ANAPC16: variants seen among roughly 807,000 people sequenced by gnomAD.
The protein encoded by ANAPC16 is anaphase-promoting complex subunit 16.
In ANAPC16, 6 loss-of-function variants were observed where a neutral mutation model predicts 13.1. The ratio of observed to expected loss-of-function variants is 0.46; its 90% CI spans 0.25 to 0.90. ANAPC16 has a LOEUF of 0.90. Among genes scored for constraint, ANAPC16 ranks in the 40% least tolerant of loss-of-function variants. The pLI, the probability that ANAPC16 is intolerant of heterozygous loss-of-function variation, is 0.18. For missense variants in ANAPC16, 113 were observed against 131.1 expected (o/e 0.86, Z 0.67); for synonymous variants, 55 against 51.3 (o/e 1.07, Z -0.31).
In ANAPC16 at chr10:72,235,796, G is replaced by C. The variant is rs561302165; in HGVS notation, c.*2680G>C. ...ATTACAGAATTTTTTCTCTAAATTG[G>C]ATGTTTCTTTATATGACCTTGGAAA... On this transcript the variant is annotated 3_prime_UTR_variant, in exon 4 of 4. Transcript: ENST00000299381. 1.2e-3 allele frequency: 182 copies of C among 152,152 alleles called. 1 individual carries two copies. Among genetic ancestry groups the C allele is most frequent in the African/African-American group, 4.2e-3 (174 of 41,524 alleles). 9.4% of individuals were successfully genotyped at this position (152,152 alleles called of 1,614,324 possible). A position where few individuals can be genotyped will look rare whatever the true frequency, so the allele number is the denominator to read the frequency against.
At chr10:72,216,514 A>C (rs73276918) in intron 1 of ANAPC16, among the ~76,000 whole-genome samples, 8,947 of 111,478 alleles carry the variant, frequency 0.08, 917 homozygotes, top group African/African-American at 0.24. Flanking sequence ...TGCGGCATCT[A>C]TTTGGTTTGG....
chr10:72,222,850 T>G (rs955485278), intron 1 of ANAPC16, among the ~76,000 whole-genome samples: 1 of 152,232 alleles, frequency 6.6e-6, no homozygotes, highest in Admixed American at 6.5e-5. Context: ...CGTGTAAGCT[T>G]CTGTGGCAAA....
rs1414608869 is a variant in ANAPC16 at position 72,234,386 on chromosome 10, A to G, written c.*1270A>G. ...CTCCTGGCCTCAAGAGATCCCCCCA[A>G]CCTTGGCCTCCAAAGTGCTGGGATT... On this transcript the variant is annotated 3_prime_UTR_variant, in exon 4 of 4. Coordinates refer to ENST00000299381, the MANE Select transcript of ANAPC16 (RefSeq NM_173473.4). 2 of 151,622 alleles carry G rather than the reference A, an allele frequency of 1.3e-5. No homozygotes were observed. Among genetic ancestry groups the G allele is most frequent in the East Asian group, 1.9e-4 (1 of 5,142 alleles). The allele number at this position is 151,622 out of a possible 1,614,324, so 9.4% of individuals were successfully genotyped here.
intron 1 of ANAPC16, among the ~76,000 whole-genome samples, chr10:72,218,145 C>CAAAAAAAAAA (rs142932037): frequency 2.9e-5 from 1 of 34,878 alleles, no homozygotes; most frequent in African/African-American, 2.4e-4. Flanking sequence ...AACTCTGTCT[C>CAAAAAAAAAA]AAAAAAAAAA....
At chr10:72,222,472 A>G in intron 1 of ANAPC16, among the ~76,000 whole-genome samples, 1 of 27,622 alleles carries the variant, frequency 3.6e-5, no homozygotes, top group Non-Finnish European at 7.5e-5. Flanking sequence ...GTCTCTATTT[A>G]AAAAAAAAAA....
At chr10:72,228,525 A>G (rs1222237391) in intron 2 of ANAPC16, among the ~76,000 whole-genome samples, 1 of 152,102 alleles carries the variant, frequency 6.6e-6, no homozygotes, top group Non-Finnish European at 1.5e-5. Flanking sequence ...CCTGTTTATG[A>G]CCTGTGCTTG....
At chr10:72,219,541 G>A (rs931139045) in intron 1 of ANAPC16, among the ~76,000 whole-genome samples, 10 of 152,064 alleles carry the variant, frequency 6.6e-5, no homozygotes, top group African/African-American at 2.4e-4. Context: ...TTGGAGACCC[G>A]CCTGAGCAAC....
chr10:72,228,817 C>T lies in ANAPC16; in HGVS notation c.143-1549C>T, dbSNP rs556465885. ...TGAAAGTTTAGCTTATATCCTTTTGCTTTGAAGTTCATTACCAAGGAAAAT... is the reference window on the plus strand; with the variant it reads ...TGAAAGTTTAGCTTATATCCTTTTGTTTTGAAGTTCATTACCAAGGAAAAT... On this transcript the variant is annotated intron_variant, in intron 2 of 3. Transcript: ENST00000299381. Among the ~76,000 whole-genome samples the T allele has an allele frequency of 5.9e-5, 9 of 152,282 alleles. No individual in the cohort carries two copies. In the South Asian group the frequency reaches 1.7e-3, roughly 28 times the overall value.
At position 72,230,415 on chromosome 10, in the gene ANAPC16, A is replaced by G; in HGVS notation, c.192A>G (p.Ala64=). Residue 64 remains alanine (A), a synonymous_variant, in exon 3 of 4, where the codon GCA becomes GCG. Coordinates refer to ENST00000299381, the MANE Select transcript of ANAPC16 (RefSeq NM_173473.4). The stretch of plus-strand genomic sequence containing the variant: ...AATCTGTTTTTAGCTATCAAGTGGC[A>G]TCCACGCTTAAACAGGTGAAACATG... The part of the protein sequence containing the change: ...LCESVFSYQV[A]STLKQVKHDQ... 1 of 1,614,152 alleles carries G rather than the reference A, an allele frequency of 6.2e-7. No homozygotes were observed. The highest frequency in any genetic ancestry group is 8.5e-7 in the Non-Finnish European group (1 of 1,180,004).
chr10:72,233,080 C>G lies in ANAPC16; in HGVS notation c.297C>G (p.Ile99Met), dbSNP rs767395303. 6.2e-7 allele frequency: 1 copy of G among 1,614,044 alleles called. No individual in the cohort carries two copies. Among genetic ancestry groups the G allele is most frequent in the Non-Finnish European group, 8.5e-7 (1 of 1,180,036 alleles). Residue 99 changes from isoleucine to methionine, a missense_variant, in exon 4 of 4, where the codon ATC becomes ATG. By Grantham distance (10) the Ile-to-Met change is conservative. Coordinates refer to ENST00000299381, the MANE Select transcript of ANAPC16 (RefSeq NM_173473.4). ...LEADEWRFKP[I>M]EQLLGFTPSS... ...CTGACGAGTGGCGGTTTAAGCCCAT[C>G]GAGCAGCTGCTGGGATTCACCCCCT...
At chr10:72,217,684 T>C (rs1372385834) in intron 1 of ANAPC16, among the ~76,000 whole-genome samples, 1 of 152,066 alleles carries the variant, frequency 6.6e-6, no homozygotes, top group Non-Finnish European at 1.5e-5. Context: ...TGACTTTGAA[T>C]AGCCAAGATT....
rs908862231 is a variant in ANAPC16 at position 72,234,597 on chromosome 10, T to C, written c.*1481T>C. 1.4e-4 allele frequency: 21 copies of C among 152,214 alleles called. No homozygotes were observed. Among genetic ancestry groups the C allele is most frequent in the African/African-American group, 4.8e-4 (20 of 41,446 alleles). 9.4% of individuals were successfully genotyped at this position (152,214 alleles called of 1,614,324 possible). A position where few individuals can be genotyped will look rare whatever the true frequency, so the allele number is the denominator to read the frequency against. On this transcript the variant is annotated 3_prime_UTR_variant, in exon 4 of 4. Coordinates refer to ENST00000299381, the MANE Select transcript of ANAPC16 (RefSeq NM_173473.4). ...TAGACAACATTTGTCTGGTTCCTTA[T>C]TAATAACTTGCATCTGATCTGCTTA... is the stretch of plus-strand genomic sequence containing the variant.
chr10:72,228,478 C>G (rs960119259), intron 2 of ANAPC16, among the ~76,000 whole-genome samples: 6 of 152,156 alleles, frequency 3.9e-5, no homozygotes, highest in Non-Finnish European at 7.4e-5. Context: ...TTGGAGTTGG[C>G]TATGGTGTTA....
chr10:72,221,691 T>A (rs565834968), intron 1 of ANAPC16, among the ~76,000 whole-genome samples: 21 of 150,776 alleles, frequency 1.4e-4, no homozygotes, highest in African/African-American at 5.1e-4. Flanking sequence ...CCTGAGTAGC[T>A]GAGACTACAG....
At chr10:72,231,904 A>T (rs1041200455) in intron 3 of ANAPC16, among the ~76,000 whole-genome samples, 2 of 151,764 alleles carry the variant, frequency 1.3e-5, no homozygotes, top group African/African-American at 4.8e-5. Flanking sequence ...AAAAAAAAAT[A>T]GGCCGGGCAC....
intron 2 of ANAPC16, among the ~76,000 whole-genome samples, chr10:72,227,107 T>C (rs1860145828): frequency 6.6e-6 from 1 of 151,986 alleles, no homozygotes; most frequent in Admixed American, 6.6e-5. Flanking sequence ...GCTTAATGAG[T>C]TTTATAGCAG....
At chr10:72,220,767 A>G (rs1374417905) in intron 1 of ANAPC16, 1 of 149,470 alleles carries the variant, frequency 6.7e-6, no homozygotes, top group Non-Finnish European at 1.5e-5. Flanking sequence ...GTCTAGGTGA[A>G]GTGGTGTTTA....
chr10:72,221,147 C>T (rs572166391), intron 1 of ANAPC16, among the ~76,000 whole-genome samples: 1 of 152,280 alleles, frequency 6.6e-6, no homozygotes, highest in South Asian at 2.1e-4. Flanking sequence ...AACTCCTGAC[C>T]TCAGGTGATC....
At chr10:72,220,595 G>A (rs1475855947) in intron 1 of ANAPC16, among the ~76,000 whole-genome samples, 2 of 151,660 alleles carry the variant, frequency 1.3e-5, no homozygotes, top group Non-Finnish European at 2.9e-5. Context: ...AGGAGATGAG[G>A]CTGCAATAGC....
Sources: allele counts gnomAD v4.1 joint callset (sites outside exome capture counted in the v4.1 genomes callset), GRCh38; gene constraint gnomAD v4.1.1; transcripts MANE v1.5; gene names NCBI Gene and HGNC (gene_info 2026-07-23, HGNC 2026-07-21).